The following ELN variants were observed in gnomAD, a reference collection of about 807,000 sequenced individuals.
ELN encodes the protein elastin.
A neutral mutation model predicts 105.8 loss-of-function variants in ELN; 65 were observed. The ratio of observed to expected loss-of-function variants is 0.61; its 90% confidence interval spans 0.50 to 0.75. The LOEUF (loss-of-function observed/expected upper bound fraction) is 0.75. Ranked by LOEUF, ELN falls within the 30% of genes least tolerant of loss-of-function variation. ELN has a pLI of 0.00. For missense variants in ELN, 882 were observed against 969.4 expected (o/e 0.91, Z 1.20); for synonymous variants, 368 against 389.2 (o/e 0.95, Z 0.64).
Position 74,041,234 on chromosome 7 carries a change from G to A in ELN, c.215G>A (p.Gly72Asp), listed in dbSNP as rs782513843. ...TCCACAGTTCCCGGAGGGCTTGCGG[G>A]TGCTGGCCTTGGGGCAGGTGAGTGC... is the stretch of plus-strand genomic sequence containing the variant. Reference protein sequence around the residue: ...PLKPVPGGLAGAGLGAGLGAF... With the variant: ...PLKPVPGGLADAGLGAGLGAF... Residue 72 changes from glycine to aspartate, a missense_variant, in exon 5 of 33, where the codon GGT (glycine) becomes GAT (aspartate). Coordinates refer to ENST00000252034, the MANE Select transcript of ELN (RefSeq NM_000501.4). 3.7e-6 allele frequency: 6 copies of A among 1,614,032 alleles called. No individual in the cohort carries two copies. Among genetic ancestry groups the A allele is most frequent in the Middle Eastern group, 1.7e-4 (1 of 6,060 alleles).
At position 74,059,108 on chromosome 7, in the gene ELN, C is replaced by T. The variant is rs371251072; in HGVS notation, c.1415-778C>T. On this transcript the variant is annotated intron_variant, in intron 22 of 32. Coordinates refer to ENST00000252034, the MANE Select transcript of ELN (RefSeq NM_000501.4). ...GTTTAAAAAAAAAAAAAATTGTATG[C>T]GATCCTCCCACATTGGCCTCTCAAA... Among the ~76,000 whole-genome samples, 35 of 152,030 alleles carry T rather than the reference C, an allele frequency of 2.3e-4. No homozygotes were observed. In the East Asian group the frequency reaches 5.2e-3, roughly 23 times the overall value.
Position 74,060,524 on chromosome 7 carries a change from G to A in ELN, c.1747+23G>A, listed in dbSNP as rs368791422. 320 of 1,614,196 alleles carry A rather than the reference G, an allele frequency of 2.0e-4. No homozygotes were observed. The highest frequency in any genetic ancestry group is 5.0e-4 in the Middle Eastern group (3 of 6,060). On this transcript the variant is annotated intron_variant, in intron 25 of 32. Transcript: ENST00000252034. ...CAGGTGCAGATGAGGGAGTTAGGCG[G>A]AGCCTGTCCCCTGAGCTCAGGGAAG...
intron 26 of ELN, among the ~76,000 whole-genome samples, chr7:74,061,979 G>T (rs973876327): frequency 1.3e-5 from 2 of 152,176 alleles, no homozygotes; most frequent in Non-Finnish European, 2.9e-5. Flanking sequence ...CCGGGCCCCC[G>T]CCCGCCTTCC....
In ELN at chr7:74,068,895, C is replaced by A; in HGVS notation, c.*195C>A. 3.0e-6 allele frequency: 2 copies of A among 659,380 alleles called. No individual in the cohort carries two copies. Among genetic ancestry groups the A allele is most frequent in the Non-Finnish European group, 5.4e-6 (2 of 370,926 alleles). 40.8% of individuals were successfully genotyped at this position (659,380 alleles called of 1,614,324 possible). A position where few individuals can be genotyped will look rare whatever the true frequency, so the allele number is the denominator to read the frequency against. ...GCGGCCAAGTGCCCCGACCAGGAGG[C>A]CCCCTACTTCAGAGGCAAGGGCCAT... On this transcript the variant is annotated 3_prime_UTR_variant, in exon 33 of 33. Transcript: ENST00000252034.
Position 74,063,251 on chromosome 7 carries a change from G to A in ELN, c.1858+27G>A, listed in dbSNP as rs372144718. 5.6e-6 allele frequency: 9 copies of A among 1,597,796 alleles called. No individual in the cohort carries two copies. The highest frequency in any genetic ancestry group is 3.3e-4 in the Middle Eastern group (2 of 6,032). ...TGAGTTGAAACCCCAGGAGGGGCAGGGTGGGGAGGGAATCTAACCAGTACA... is the reference window on the plus strand; with the variant it reads ...TGAGTTGAAACCCCAGGAGGGGCAGAGTGGGGAGGGAATCTAACCAGTACA... On this transcript the variant is annotated intron_variant, in intron 27 of 32. Transcript: ENST00000252034. This position sits in a 1 kb window ranked among gnomAD's most constrained non-coding sequence, Gnocchi z 4.1.
At position 74,045,304 on chromosome 7, in the gene ELN, G is replaced by A. The variant is rs782069736; in HGVS notation, c.541+11G>A. The A allele has an allele frequency of 3.1e-6, 5 of 1,613,892 alleles. No individual in the cohort carries two copies. Among genetic ancestry groups the A allele is most frequent in the Non-Finnish European group, 4.2e-6 (5 of 1,179,978 alleles). On this transcript the variant is annotated intron_variant, in intron 10 of 32. Coordinates refer to ENST00000252034, the MANE Select transcript of ELN (RefSeq NM_000501.4). The stretch of plus-strand genomic sequence containing the variant: ...AGCCCAAGGCTCCAGGTATGCAGCT[G>A]TCTGGACAGAGGGCTGATGGCAGGG...
chr7:74,048,661 T>C, intron 15 of ELN, 105 bp downstream of exon 15: 1 of 1,391,682 alleles, frequency 7.2e-7, no homozygotes, highest in South Asian at 1.2e-5. Flanking sequence ...CATACCCCCA[T>C]TTACTCAAAA....
chr7:74,045,656 T>G, intron 10 of ELN: 2 of 361,918 alleles, frequency 5.5e-6, no homozygotes, highest in South Asian at 2.4e-5. Context: ...GACAGGAGGA[T>G]CTCTTGAGCC....
rs560603656 is a variant in ELN at position 74,033,604 on chromosome 7, G to C, written c.83-1760G>C. Among the ~76,000 whole-genome samples, 7 of 152,246 alleles carry C rather than the reference G, an allele frequency of 4.6e-5. No individual in the cohort carries two copies. In the East Asian group the frequency reaches 9.6e-4, roughly 21 times the overall value. ...CCTGAGGAGCCACAAGCCCTGGGAGGGGGTGGCGCCGGGGTCTTGGCTCCG... is the reference window on the plus strand; with the variant it reads ...CCTGAGGAGCCACAAGCCCTGGGAGCGGGTGGCGCCGGGGTCTTGGCTCCG... On this transcript the variant is annotated intron_variant, in intron 1 of 32. Coordinates refer to ENST00000252034, the MANE Select transcript of ELN (RefSeq NM_000501.4).
Position 74,051,940 on chromosome 7 carries a change from T to TGCAGCTGCAGCTGCAGCA in ELN, c.912_929dup (p.Ala306_Ala311dup). ...TGTTTTCAGGCGTTGGGACTCCAGC[T>TGCAGCTGCAGCTGCAGCA]GCAGCTGCAGCTGCAGCAGCAGCCG... On this transcript the variant is annotated inframe_insertion, in exon 17 of 33. Coordinates refer to ENST00000252034, the MANE Select transcript of ELN (RefSeq NM_000501.4). 6.2e-7 allele frequency: 1 copy of TGCAGCTGCAGCTGCAGCA among 1,612,692 alleles called. No individual in the cohort carries two copies. Among genetic ancestry groups the TGCAGCTGCAGCTGCAGCA allele is most frequent in the Non-Finnish European group, 8.5e-7 (1 of 1,179,888 alleles).
chr7:74,056,634 G>A lies in ELN; in HGVS notation c.1316-38G>A, dbSNP rs372092507. 52 of 1,613,718 alleles carry A rather than the reference G, an allele frequency of 3.2e-5. No homozygotes were observed. In the South Asian group the frequency reaches 4.8e-4, roughly 15 times the overall value. The stretch of plus-strand genomic sequence containing the variant: ...CACGGCTCGGAGGAGACCCAGGCAC[G>A]GCTTCTGAGGGTCTCTTTCTTTCTC... On this transcript the variant is annotated intron_variant, in intron 20 of 32. Transcript: ENST00000252034.
rs186693378 is a variant in ELN at position 74,039,406 on chromosome 7, C to T, written c.196+1667C>T. 1.5e-3 allele frequency among the ~76,000 whole-genome samples: 230 copies of T among 152,332 alleles called. 7 individuals are homozygous for T. The East Asian group carries it at 0.028, about 19-fold the overall frequency. The stretch of plus-strand genomic sequence containing the variant: ...GCTACAGAAGGGTCGGCAGAGCCCC[C>T]ATGGCACCCCCAGGGAGGCCCCCAC... On this transcript the variant is annotated intron_variant, in intron 4 of 32. Coordinates refer to ENST00000252034, the MANE Select transcript of ELN (RefSeq NM_000501.4).
chr7:74,046,242 C>G (rs201568523), intron 11 of ELN, 25 bp downstream of exon 11: 7 of 1,614,124 alleles, frequency 4.3e-6, no homozygotes. Flanking sequence ...GTGGGAGAAG[C>G]AGGGTGGCCA....
rs1791840624 is a variant in ELN at position 74,043,887 on chromosome 7, C to G, written c.436C>G (p.Leu146Val). The G allele has an allele frequency of 1.2e-6, 2 of 1,613,950 alleles. No homozygotes were observed. Among genetic ancestry groups the G allele is most frequent in the South Asian group, 2.2e-5 (2 of 91,072 alleles). The change falls in exon 9 of 33, where the codon CTG (leucine) becomes GTG (valine). Residue 146 changes from leucine to valine, a missense_variant. Coordinates refer to ENST00000252034, the MANE Select transcript of ELN (RefSeq NM_000501.4). ...CTTTCTTTTGGCCACAGGTGTGGGG[C>G]TGCCAGGTGTATACCCAGGTGGCGT... ...VKPGKVPGVGLPGVYPGGVLP... is the reference protein window; with the variant it reads ...VKPGKVPGVGVPGVYPGGVLP...
chr7:74,042,623 C>G lies in ELN; in HGVS notation c.242C>G (p.Ala81Gly). 6.2e-7 allele frequency: 1 copy of G among 1,613,444 alleles called. No homozygotes were observed. Among genetic ancestry groups the G allele is most frequent in the Non-Finnish European group, 8.5e-7 (1 of 1,180,016 alleles). ...AGAGLGAGLG[A>G]FPAVTFPGAL... The stretch of plus-strand genomic sequence containing the variant: ...ATCCTCCCCTCCGCAGGGCTCGGCG[C>G]CTTCCCCGCAGTTACCTTTCCGGGG... The change falls in exon 6 of 33, where the codon GCC becomes GGC. Residue 81 changes from alanine to glycine, a missense_variant. By Grantham distance (60) the Ala-to-Gly change is moderately conservative. Coordinates refer to ENST00000252034, the MANE Select transcript of ELN (RefSeq NM_000501.4).
At chr7:74,055,986 C>T (rs955379445) in intron 19 of ELN, among the ~76,000 whole-genome samples, 3 of 151,788 alleles carry the variant, frequency 2.0e-5, no homozygotes, top group African/African-American at 7.3e-5. Context: ...GGGGTTTCAC[C>T]ATATTGGCCA....
rs1554683300 is a variant in ELN, at chr7:74,060,156, T to C, written c.1593T>C (p.Ala531=). 6.2e-7 allele frequency: 1 copy of C among 1,614,118 alleles called. No individual in the cohort carries two copies. Among genetic ancestry groups the C allele is most frequent in the Non-Finnish European group, 8.5e-7 (1 of 1,180,022 alleles). The change falls in exon 24 of 33, where the codon GCT becomes GCC. Residue 531 remains alanine (A), a synonymous_variant. Transcript: ENST00000252034. ...CTCCCTCAGCTGCAGCAAAATCCGC[T>C]GCCAAGGTGGCTGCCAAAGCCCAGC... The part of the protein sequence containing the change: ...PGGVAAAAKS[A]AKVAAKAQLR...
chr7:74,060,113 T>A, intron 23 of ELN, 27 bp from the exon 24 acceptor site: 1 of 1,614,176 alleles, frequency 6.2e-7, no homozygotes, highest in Non-Finnish European at 8.5e-7. Flanking sequence ...CCTCCATCTC[T>A]AATCCCCCTC....
chr7:74,065,818 T>G, intron 30 of ELN, 86 bp downstream of exon 30: 1 of 1,608,844 alleles, frequency 6.2e-7, no homozygotes, highest in Non-Finnish European at 8.5e-7. Flanking sequence ...AGCTCAGGCC[T>G]CCCTCTGGCT....
Sources: allele counts gnomAD v4.1 joint callset (sites outside exome capture counted in the v4.1 genomes callset), GRCh38; gene constraint gnomAD v4.1.1; non-coding constraint Gnocchi (gnomAD v3.1); transcripts MANE v1.5; gene names NCBI Gene and HGNC (gene_info 2026-07-23, HGNC 2026-07-21).